TEX47: variants seen among roughly 807,000 people sequenced by gnomAD.
TEX47 encodes testis expressed 47, also known as testis-expressed protein 47.
TEX47 carries 18 observed loss-of-function variants against 18.0 expected under a neutral mutation model. That is an observed-to-expected ratio of 1.00 (90% CI 0.69 to 1.48). The LOEUF (loss-of-function observed/expected upper bound fraction) is 1.48. TEX47 is among the 40% of genes most tolerant of loss of function. TEX47 has a pLI of 0.00. For missense variants in TEX47, 303 were observed against 300.2 expected (o/e 1.01, Z -0.07); for synonymous variants, 98 against 109.4 (o/e 0.90, Z 0.65).
chr7:88,794,684 C>G lies in TEX47; in HGVS notation c.259G>C (p.Gly87Arg). Reference sequence around the variant, plus strand: ...GAAGTGGGATAGATGAGCAGCAATCCTGTCACTGCTTCTCCTAGGTGATGT... The same window carrying G: ...GAAGTGGGATAGATGAGCAGCAATCGTGTCACTGCTTCTCCTAGGTGATGT... Reference protein sequence around the residue: ...LKHHLGEAVTGLLLIYPTSIL... With the variant: ...LKHHLGEAVTRLLLIYPTSIL... Residue 87 changes from glycine (G) to arginine (R), a missense_variant, in exon 2 of 2, where the codon GGA becomes CGA. Gly to Arg is a moderately radical substitution (Grantham distance 125). Coordinates refer to ENST00000297203, the MANE Select transcript of TEX47 (RefSeq NM_152706.4). 2.5e-6 allele frequency: 4 copies of G among 1,613,708 alleles called. No homozygotes were observed. Among genetic ancestry groups the G allele is most frequent in the Non-Finnish European group, 2.5e-6 (3 of 1,179,798 alleles).
At position 88,794,614 on chromosome 7, in the gene TEX47, A is replaced by T. The variant is rs1247398218; in HGVS notation, c.329T>A (p.Val110Asp). The part of the protein sequence containing the change: ...LESSSDTLYK[V>D]LLDYIGHVKD... ...GACATGGCCAATATAATCTAAAAGA[A>T]CTTTGTAGAGAGTGTCGCTGGAGGA... The change falls in exon 2 of 2, where the codon GTT (valine) becomes GAT (aspartate). Residue 110 changes from valine (V) to aspartate (D), a missense_variant. Coordinates refer to ENST00000297203, the MANE Select transcript of TEX47 (RefSeq NM_152706.4). The T allele has an allele frequency of 6.2e-7, 1 of 1,613,624 alleles. No homozygotes were observed. The highest frequency in any genetic ancestry group is 1.7e-5 in the Admixed American group (1 of 59,930).
intron 1 of TEX47, among the ~76,000 whole-genome samples, 192 bp from the exon 2 acceptor site, chr7:88,795,238 T>C (rs1016495741): frequency 6.6e-6 from 1 of 152,190 alleles, no homozygotes; most frequent in Non-Finnish European, 1.5e-5. Context: ...AAAAACTTTG[T>C]AAATGTCATG....
chr7:88,795,141 T>G (rs1490485312), intron 1 of TEX47, 95 bp from the exon 2 acceptor site: 1 of 447,904 alleles, frequency 2.2e-6, no homozygotes, highest in African/African-American at 2.0e-5. Flanking sequence ...AACAATGTAT[T>G]TGAAATGAAA....
At chr7:88,795,283 A>T (rs1790461972) in intron 1 of TEX47, among the ~76,000 whole-genome samples, 1 of 152,240 alleles carries the variant, frequency 6.6e-6, no homozygotes, top group Middle Eastern at 3.4e-3. Context: ...TATAAGCCAA[A>T]TTTTTTAAAA....
chr7:88,794,868 G>A lies in TEX47; in HGVS notation c.75C>T (p.Val25=). 6.2e-7 allele frequency: 1 copy of A among 1,612,368 alleles called. No homozygotes were observed. The highest frequency in any genetic ancestry group is 1.1e-5 in the South Asian group (1 of 90,692). ...GAAAGTGCAGGTAATTGCTACGTGG[G>A]ACTTGGAGAAAAAGAAGAGGTTCCA... ...LPLEPLLFLQ[V]PRSNYLHFQE... is the part of the protein sequence containing the mutation. Residue 25 remains valine (V), a synonymous_variant, in exon 2 of 2, where the codon GTC becomes GTT. Coordinates refer to ENST00000297203, the MANE Select transcript of TEX47 (RefSeq NM_152706.4).
chr7:88,794,817 T>C lies in TEX47; in HGVS notation c.126A>G (p.Leu42=), dbSNP rs773044004. Residue 42 remains leucine, a synonymous_variant, in exon 2 of 2, where the codon CTA becomes CTG. Coordinates refer to ENST00000297203, the MANE Select transcript of TEX47 (RefSeq NM_152706.4). ...HFQEEKQRLH[L]KKFLLDRMFL... ...ACATCCTATCAAGAAGGAATTTCTT[T>C]AGGTGTAGTCGTTGTTTCTCTTCTT... 3 of 1,613,804 alleles carry C rather than the reference T, an allele frequency of 1.9e-6. No homozygotes were observed. Among genetic ancestry groups the C allele is most frequent in the African/African-American group, 1.3e-5 (1 of 75,032 alleles).
rs1388119743 is a variant in TEX47, at chr7:88,795,735, C to T, written c.-200G>A. On this transcript the variant is annotated 5_prime_UTR_variant, in exon 1 of 2. Transcript: ENST00000297203. ...TCCCAACTGCCAGTCCTCTGGTGTT[C>T]TCAGCTGTCCTGTGTTCTGCCTTCC... The T allele has an allele frequency of 6.6e-6, 1 of 152,114 alleles. No individual in the cohort carries two copies. Among genetic ancestry groups the T allele is most frequent in the Non-Finnish European group, 1.5e-5 (1 of 68,066 alleles). 9.4% of individuals were successfully genotyped at this position (152,114 alleles called of 1,614,324 possible). A position where few individuals can be genotyped will look rare whatever the true frequency, so the allele number is the denominator to read the frequency against.
chr7:88,794,862 A>G lies in TEX47; in HGVS notation c.81T>C (p.Arg27=), dbSNP rs1441311682. The part of the protein sequence containing the change: ...LEPLLFLQVP[R]SNYLHFQEEK... ...CTTCTTGAAAGTGCAGGTAATTGCTACGTGGGACTTGGAGAAAAAGAAGAG... is the reference window on the plus strand; with the variant it reads ...CTTCTTGAAAGTGCAGGTAATTGCTGCGTGGGACTTGGAGAAAAAGAAGAG... The change falls in exon 2 of 2, where the codon CGT becomes CGC. Residue 27 remains arginine (R), a synonymous_variant. Transcript: ENST00000297203. 5 of 1,613,070 alleles carry G rather than the reference A, an allele frequency of 3.1e-6. No homozygotes were observed. The highest frequency in any genetic ancestry group is 4.2e-6 in the Non-Finnish European group (5 of 1,179,632).
At position 88,794,288 on chromosome 7, in the gene TEX47, T is replaced by C; in HGVS notation, c.655A>G (p.Lys219Glu). Residue 219 changes from lysine (K) to glutamate (E), a missense_variant, in exon 2 of 2, where the codon AAA (lysine) becomes GAA (glutamate). Physicochemically the swap from Lys to Glu is moderately conservative, Grantham distance 56. Coordinates refer to ENST00000297203, the MANE Select transcript of TEX47 (RefSeq NM_152706.4). Reference sequence around the variant, plus strand: ...GCCGGGTCCATGAATTCTTCGGATTTGCACAAGTACTTTATGATTTGTTCT... The same window carrying C: ...GCCGGGTCCATGAATTCTTCGGATTCGCACAAGTACTTTATGATTTGTTCT... ...LPEQIIKYLC[K>E]SEEFMDPATF... 1 of 1,613,854 alleles carries C rather than the reference T, an allele frequency of 6.2e-7. No homozygotes were observed. Among genetic ancestry groups the C allele is most frequent in the Non-Finnish European group, 8.5e-7 (1 of 1,179,872 alleles).
rs981101215 is a variant in TEX47, at chr7:88,795,031, C to T, written c.-89G>A. ...CAGGGTACCTCTTTACTGATGAACT[C>T]GTGTTTTTATTTCTTCTGACAAAAA... is the stretch of plus-strand genomic sequence containing the variant. On this transcript the variant is annotated 5_prime_UTR_variant, in exon 2 of 2. Coordinates refer to ENST00000297203, the MANE Select transcript of TEX47 (RefSeq NM_152706.4). The T allele has an allele frequency of 1.7e-5, 18 of 1,089,072 alleles. No individual in the cohort carries two copies. Among genetic ancestry groups the T allele is most frequent in the East Asian group, 1.1e-4 (4 of 36,530 alleles). The allele number at this position is 1,089,072 out of a possible 1,614,324, so 67.5% of individuals were successfully genotyped here.
chr7:88,795,427 T>A (rs1409949997), intron 1 of TEX47, among the ~76,000 whole-genome samples: 1 of 152,176 alleles, frequency 6.6e-6, no homozygotes, highest in African/African-American at 2.4e-5. Flanking sequence ...TAGTTAATAA[T>A]GTTCCTTGAA....
rs1375016683 is a variant in TEX47, at chr7:88,795,039, T to C, written c.-97A>G. 4.8e-6 allele frequency: 5 copies of C among 1,042,234 alleles called. No individual in the cohort carries two copies. In the East Asian group the frequency reaches 1.1e-4, roughly 23 times the overall value. 64.6% of individuals were successfully genotyped at this position (1,042,234 alleles called of 1,614,324 possible). A position where few individuals can be genotyped will look rare whatever the true frequency, so the allele number is the denominator to read the frequency against. On this transcript the variant is annotated 5_prime_UTR_variant, in exon 2 of 2. The change creates a new upstream start codon in the 5' untranslated region. Transcript: ENST00000297203. ...CTCTTTACTGATGAACTCGTGTTTT[T>C]ATTTCTTCTGACAAAAAAAAAAAGA...
rs764751270 is a variant in TEX47 at position 88,794,625 on chromosome 7, A to G, written c.318T>C (p.Thr106=). ...ILHILESSSD[T]LYKVLLDYIG... is the part of the protein sequence containing the mutation. ...TATAATCTAAAAGAACTTTGTAGAG[A>G]GTGTCGCTGGAGGACTCGAGGATAT... is the stretch of plus-strand genomic sequence containing the variant. The change falls in exon 2 of 2, where the codon ACT becomes ACC. Residue 106 remains threonine (T), a synonymous_variant. Coordinates refer to ENST00000297203, the MANE Select transcript of TEX47 (RefSeq NM_152706.4). 1.1e-5 allele frequency: 18 copies of G among 1,613,642 alleles called. No individual in the cohort carries two copies. The highest frequency in any genetic ancestry group is 1.5e-5 in the Non-Finnish European group (18 of 1,179,812).
At position 88,794,599 on chromosome 7, in the gene TEX47, A is replaced by C; in HGVS notation, c.344T>G (p.Ile115Ser). ...DTLYKVLLDYIGHVKDETVFF... is the reference protein window; with the variant it reads ...DTLYKVLLDYSGHVKDETVFF... ...TACTGTTTCATCTTTGACATGGCCA[A>C]TATAATCTAAAAGAACTTTGTAGAG... Residue 115 changes from isoleucine (I) to serine (S), a missense_variant, in exon 2 of 2, where the codon ATT becomes AGT. Ile to Ser is a moderately radical substitution (Grantham distance 142). Coordinates refer to ENST00000297203, the MANE Select transcript of TEX47 (RefSeq NM_152706.4). 1 of 1,613,684 alleles carries C rather than the reference A, an allele frequency of 6.2e-7. No individual in the cohort carries two copies. Among genetic ancestry groups the C allele is most frequent in the African/African-American group, 1.3e-5 (1 of 75,058 alleles).
intron 1 of TEX47, 54 bp downstream of exon 1, chr7:88,795,586 T>G (rs547597319): frequency 6.6e-6 from 1 of 152,280 alleles, no homozygotes; most frequent in South Asian, 2.1e-4. Flanking sequence ...ATTCTGCTAC[T>G]TTAACTTACT....
At position 88,794,356 on chromosome 7, in the gene TEX47, G is replaced by T. The variant is rs1472044483; in HGVS notation, c.587C>A (p.Pro196Gln). Residue 196 changes from proline to glutamine, a missense_variant, in exon 2 of 2, where the codon CCA becomes CAA. Coordinates refer to ENST00000297203, the MANE Select transcript of TEX47 (RefSeq NM_152706.4). ...TGCAACTTGGTGTAAGTTATCGCCT[G>T]GTCCTTTAGTGCCTACTTTCATAGT... ...CQTMKVGTKG[P>Q]GDNLHQVAPD... is the part of the protein sequence containing the mutation. 1 of 1,613,858 alleles carries T rather than the reference G, an allele frequency of 6.2e-7. No individual in the cohort carries two copies. Among genetic ancestry groups the T allele is most frequent in the South Asian group, 1.1e-5 (1 of 91,068 alleles).
At position 88,794,712 on chromosome 7, in the gene TEX47, C is replaced by G; in HGVS notation, c.231G>C (p.Leu77Phe). ...DYYEQMFQSV[L>F]KHHLGEAVTG... Reference sequence around the variant, plus strand: ...TCACTGCTTCTCCTAGGTGATGTTTCAAAACTGACTGAAACATTTGTTCAT... The same window carrying G: ...TCACTGCTTCTCCTAGGTGATGTTTGAAAACTGACTGAAACATTTGTTCAT... The change falls in exon 2 of 2, where the codon TTG becomes TTC. Residue 77 changes from leucine (L) to phenylalanine (F), a missense_variant. Transcript: ENST00000297203. 1.2e-6 allele frequency: 2 copies of G among 1,613,594 alleles called. No individual in the cohort carries two copies. Among genetic ancestry groups the G allele is most frequent in the Non-Finnish European group, 1.7e-6 (2 of 1,179,808 alleles).
In TEX47 at chr7:88,795,028, A is replaced by G. The variant is rs1334031056; in HGVS notation, c.-86T>C. ...TGCCAGGGTACCTCTTTACTGATGAACTCGTGTTTTTATTTCTTCTGACAA... is the reference window on the plus strand; with the variant it reads ...TGCCAGGGTACCTCTTTACTGATGAGCTCGTGTTTTTATTTCTTCTGACAA... On this transcript the variant is annotated 5_prime_UTR_variant, in exon 2 of 2. Coordinates refer to ENST00000297203, the MANE Select transcript of TEX47 (RefSeq NM_152706.4). The G allele has an allele frequency of 1.8e-6, 2 of 1,131,836 alleles. No homozygotes were observed. Among genetic ancestry groups the G allele is most frequent in the Non-Finnish European group, 2.4e-6 (2 of 836,490 alleles). 70.1% of individuals were successfully genotyped at this position (1,131,836 alleles called of 1,614,324 possible). A position where few individuals can be genotyped will look rare whatever the true frequency, so the allele number is the denominator to read the frequency against.
intron 1 of TEX47, among the ~76,000 whole-genome samples, chr7:88,795,376 A>G (rs1370728108): frequency 6.6e-6 from 1 of 152,078 alleles, no homozygotes; most frequent in Non-Finnish European, 1.5e-5. Flanking sequence ...AAGGCTTTTT[A>G]AGTCCTAATT....
Sources: gnomAD v4.1 joint callset for allele counts (sites outside exome capture counted in the v4.1 genomes callset) on GRCh38, gnomAD v4.1.1 for gene constraint, MANE v1.5 for transcripts, NCBI Gene and HGNC (gene_info 2026-07-23, HGNC 2026-07-21) for gene names.